The following NRXN3 variants were observed in gnomAD, a reference collection of about 807,000 sequenced individuals.
NRXN3 encodes the protein neurexin III.
Under a neutral mutation model 137.6 loss-of-function variants are expected in NRXN3, and 32 were observed. The ratio of observed to expected loss-of-function variants is 0.23; its 90% confidence interval spans 0.18 to 0.31. The LOEUF is 0.31. Ranked by LOEUF, NRXN3 falls within the 10% of genes least tolerant of loss-of-function variation. The pLI is 1.00. For missense variants in NRXN3, 1,574 were observed against 2,062.5 expected (o/e 0.76, Z 4.59); for synonymous variants, 798 against 784.5 (o/e 1.02, Z -0.29).
intron 15 of NRXN3, among the ~76,000 whole-genome samples, chr14:79,350,174 G>A (rs1253194767): frequency 1.3e-5 from 2 of 152,182 alleles, no homozygotes; most frequent in African/African-American, 2.4e-5. Context: ...CAGAGCCTAA[G>A]CTGGGTACTA....
intron 1 of NRXN3, among the ~76,000 whole-genome samples, chr14:78,232,865 G>T (rs1326330215): frequency 6.6e-6 from 1 of 152,238 alleles, no homozygotes; most frequent in Non-Finnish European, 1.5e-5. Flanking sequence ...GGAGGAGGGG[G>T]TGAGAGAAGG....
chr14:79,381,417 C>G (rs907072727), intron 15 of NRXN3, among the ~76,000 whole-genome samples: 4 of 152,088 alleles, frequency 2.6e-5, no homozygotes, highest in African/African-American at 9.7e-5. Context: ...TTCTTGAATT[C>G]TCCATTATCA....
intron 4 of NRXN3, among the ~76,000 whole-genome samples, chr14:78,344,680 C>G (rs2082514402): frequency 6.6e-6 from 1 of 152,176 alleles, no homozygotes; most frequent in African/African-American, 2.4e-5. Context: ...TGGCCTTGTT[C>G]TGAGGTCCAC....
intron 8 of NRXN3, among the ~76,000 whole-genome samples, chr14:78,776,512 T>C (rs1377963238): frequency 6.6e-6 from 1 of 152,174 alleles, no homozygotes; most frequent in Non-Finnish European, 1.5e-5. Flanking sequence ...AGTGTGGCAT[T>C]ATATTAATCC....
At chr14:78,525,790 T>G (rs1440329813) in intron 4 of NRXN3, among the ~76,000 whole-genome samples, 1 of 152,202 alleles carries the variant, frequency 6.6e-6, no homozygotes, top group African/African-American at 2.4e-5. Context: ...CTGGTTTTGC[T>G]CCTCCTCGTT....
intron 16 of NRXN3, among the ~76,000 whole-genome samples, chr14:79,537,303 T>A (rs1000561963): frequency 1.3e-5 from 2 of 151,880 alleles, no homozygotes; most frequent in Admixed American, 6.6e-5. Context: ...CTTTTTTTTT[T>A]ATTATACTTT....
intron 15 of NRXN3, among the ~76,000 whole-genome samples, chr14:79,410,751 A>G (rs2095405981): frequency 6.6e-6 from 1 of 152,076 alleles, no homozygotes; most frequent in Non-Finnish European, 1.5e-5. Flanking sequence ...TCATTAATTC[A>G]TTCACTCATT....
intron 8 of NRXN3, among the ~76,000 whole-genome samples, chr14:78,764,280 G>A (rs1021290246): frequency 1.3e-5 from 2 of 152,182 alleles, no homozygotes; most frequent in African/African-American, 4.8e-5. Context: ...GCATGTTGCC[G>A]GCAGAAGTAA....
intron 15 of NRXN3, among the ~76,000 whole-genome samples, chr14:79,030,508 T>C (rs971491318): frequency 6.6e-6 from 1 of 152,094 alleles, no homozygotes; most frequent in Non-Finnish European, 1.5e-5. Context: ...CAAATGCCTG[T>C]AGCTTCTACA....
chr14:78,291,945 T>G (rs1468766735), intron 3 of NRXN3, among the ~76,000 whole-genome samples: 1 of 152,216 alleles, frequency 6.6e-6, no homozygotes, highest in African/African-American at 2.4e-5. Flanking sequence ...AGTGACTTCC[T>G]TCCTTCCCCG....
chr14:79,859,862 T>G (rs546420217), intron 20 of NRXN3, among the ~76,000 whole-genome samples: 2 of 152,338 alleles, frequency 1.3e-5, no homozygotes, highest in East Asian at 3.9e-4. Flanking sequence ...GAGTGGATTT[T>G]TTTTAAGTGA....
At chr14:79,460,863 G>T (rs565059638) in intron 15 of NRXN3, among the ~76,000 whole-genome samples, 6 of 152,122 alleles carry the variant, frequency 3.9e-5, no homozygotes, top group Non-Finnish European at 8.8e-5. Context: ...CAAGGAAAAA[G>T]AATGTTCTTA....
chr14:78,293,876 C>T (rs17107249), intron 3 of NRXN3, among the ~76,000 whole-genome samples: 6,194 of 150,616 alleles, frequency 0.041, 353 homozygotes, highest in East Asian at 0.28. Context: ...CATGCTGTTA[C>T]GTCTCAACCA....
chr14:78,798,785 C>A (rs546479850), intron 8 of NRXN3, among the ~76,000 whole-genome samples: 1 of 152,340 alleles, frequency 6.6e-6, no homozygotes, highest in South Asian at 2.1e-4. Flanking sequence ...TTCCGTGTAC[C>A]CACATGCTCA....
rs190576170 is a variant in NRXN3, at chr14:79,337,655, C to G, written c.3263-129566C>G. Among the ~76,000 whole-genome samples the G allele has an allele frequency of 2.3e-3, 349 of 152,216 alleles. 6 individuals carry two copies. The highest frequency in any genetic ancestry group is 1.1e-3 in the Non-Finnish European group (73 of 68,006). The stretch of plus-strand genomic sequence containing the variant: ...TTTTTTCCTTAAAGTTTTACGTAGC[C>G]AATCTCTTTGGAATCTGGTGCAATA... On this transcript the variant is annotated intron_variant, in intron 15 of 20. Coordinates refer to ENST00000335750, the MANE Select transcript of NRXN3 (RefSeq NM_001330195.2).
intron 8 of NRXN3, among the ~76,000 whole-genome samples, chr14:78,796,463 T>C (rs779149677): frequency 6.6e-6 from 1 of 152,198 alleles, no homozygotes; most frequent in Non-Finnish European, 1.5e-5. Flanking sequence ...GAGAAGTTCA[T>C]GGCTAAGGGT....
chr14:79,847,855 C>T (rs529252961), intron 20 of NRXN3, among the ~76,000 whole-genome samples: 28 of 151,962 alleles, frequency 1.8e-4, no homozygotes, highest in African/African-American at 6.7e-4. Context: ...AAAGGGAAAA[C>T]CCACCTAAGA....
In NRXN3 at chr14:78,767,039, C is replaced by A. The variant is rs147796765; in HGVS notation, c.2045-36581C>A. On this transcript the variant is annotated intron_variant, in intron 8 of 20. Transcript: ENST00000335750. ...AGGGACTTAGCTGCTTAAAACAACA[C>A]ACATTGATTACCTCACCATTTCTGT... 1.9e-3 allele frequency among the ~76,000 whole-genome samples: 296 copies of A among 152,334 alleles called. 4 individuals carry two copies. The highest frequency in any genetic ancestry group is 6.9e-3 in the African/African-American group (285 of 41,578).
intron 15 of NRXN3, among the ~76,000 whole-genome samples, chr14:79,129,915 C>T (rs939797629): frequency 1.4e-5 from 2 of 146,642 alleles, no homozygotes; most frequent in African/African-American, 5.1e-5. Flanking sequence ...TTGAATTGAT[C>T]CCTTTACCAT....
Sources: allele counts gnomAD v4.1 joint callset (sites outside exome capture counted in the v4.1 genomes callset), GRCh38; gene constraint gnomAD v4.1.1; transcripts MANE v1.5; gene names NCBI Gene and HGNC (gene_info 2026-07-23, HGNC 2026-07-21).